Variants in SBF2 observed in about 807,000 individuals in gnomAD.
The protein encoded by SBF2 is SET binding factor 2, also known as myotubularin-related protein 13.
SBF2 carries 112 observed loss-of-function variants against 225.2 expected under a neutral mutation model. That is an observed-to-expected ratio of 0.50 (90% confidence interval 0.43 to 0.58). The LOEUF (loss-of-function observed/expected upper bound fraction) is 0.58. SBF2 is among the 20% of genes least tolerant of loss of function. SBF2 has a pLI of 0.00. For missense variants in SBF2, 1,996 were observed against 2,206.2 expected, an observed-to-expected ratio of 0.90 and a Z score of 1.91; for synonymous variants, 763 against 773.3, an observed-to-expected ratio of 0.99 and a Z score of 0.22.
rs962825057 is a variant in SBF2, at chr11:9,831,231, G to A, written c.3652+993C>T. On this transcript the variant is annotated intron_variant, in intron 27 of 39. Coordinates refer to ENST00000256190, the MANE Select transcript of SBF2 (RefSeq NM_030962.4). Reference sequence around the variant, plus strand: ...CCAGGCTGGTCTTGAACTCCTGGGCGCAAGCAATCCTCCCACCTTGGCCTT... The same window carrying A: ...CCAGGCTGGTCTTGAACTCCTGGGCACAAGCAATCCTCCCACCTTGGCCTT... 4.6e-5 allele frequency among the ~76,000 whole-genome samples: 7 copies of A among 152,200 alleles called. No homozygotes were observed. The East Asian group carries it at 5.8e-4, about 13-fold the overall frequency.
intron 17 of SBF2, among the ~76,000 whole-genome samples, chr11:9,889,767 A>C (rs1459585879): frequency 6.6e-6 from 1 of 152,230 alleles, no homozygotes; most frequent in Non-Finnish European, 1.5e-5. Context: ...GATTCCCTTT[A>C]AATAAAATGT....
chr11:9,787,803 C>T, intron 35 of SBF2, 65 bp from the exon 36 acceptor site: 1 of 1,365,448 alleles, frequency 7.3e-7, no homozygotes, highest in Non-Finnish European at 1.0e-6. Context: ...CCCAAAGCCA[C>T]ACTGCTTCTG....
chr11:9,920,204 G>GTGTGTA (rs544312611), intron 16 of SBF2, among the ~76,000 whole-genome samples: 5 of 115,228 alleles, frequency 4.3e-5, no homozygotes, highest in Admixed American at 3.5e-4. Flanking sequence ...GTGTGTGTGT[G>GTGTGTA]TATATATATA....
At chr11:9,884,912 A>G (rs1475871002) in intron 17 of SBF2, among the ~76,000 whole-genome samples, 6 of 152,188 alleles carry the variant, frequency 3.9e-5, no homozygotes, top group South Asian at 4.1e-4. Flanking sequence ...CTAAGGCAGT[A>G]AATCCATAAA....
At chr11:10,008,573 A>C (rs1948301605) in intron 6 of SBF2, among the ~76,000 whole-genome samples, 1 of 139,414 alleles carries the variant, frequency 7.2e-6, no homozygotes, top group African/African-American at 2.6e-5. Flanking sequence ...AATTTGCCCT[A>C]GGAATATCTT....
At chr11:10,024,939 T>C (rs1948996095) in intron 6 of SBF2, among the ~76,000 whole-genome samples, 1 of 152,194 alleles carries the variant, frequency 6.6e-6, no homozygotes, top group African/African-American at 2.4e-5. Context: ...TCTATCTGAT[T>C]AATGTCACTC....
At chr11:9,993,729 G>A (rs372055651) in intron 10 of SBF2, among the ~76,000 whole-genome samples, 192 bp downstream of exon 10, 1 of 152,184 alleles carries the variant, frequency 6.6e-6, no homozygotes, top group Non-Finnish European at 1.5e-5. Context: ...CTCTTGCCCA[G>A]TGAACTTCCC....
chr11:10,226,751 C>T (rs1425527522), intron 1 of SBF2, among the ~76,000 whole-genome samples: 2 of 152,204 alleles, frequency 1.3e-5, no homozygotes, highest in Admixed American at 6.5e-5. Context: ...TGGCTTGGTT[C>T]CAAGTCTTTG....
chr11:10,121,236 T>G (rs978421561), intron 2 of SBF2, among the ~76,000 whole-genome samples: 2 of 152,170 alleles, frequency 1.3e-5, no homozygotes, highest in Admixed American at 1.3e-4. Flanking sequence ...AATGCATAGA[T>G]AGGTAATGGT....
intron 13 of SBF2, among the ~76,000 whole-genome samples, chr11:9,986,459 CA>C (rs966881912): frequency 6.7e-6 from 1 of 149,732 alleles, no homozygotes; most frequent in African/African-American, 2.5e-5. Flanking sequence ...GAAATTGAAA[CA>C]AAAAAAAATT....
intron 36 of SBF2, among the ~76,000 whole-genome samples, chr11:9,786,466 T>C (rs147684352): frequency 6.6e-6 from 1 of 152,194 alleles, no homozygotes; most frequent in South Asian, 2.1e-4. Flanking sequence ...GTCTGTCTGA[T>C]AACAGCTCCT....
At chr11:9,957,235 GTCT>G (rs1866231467) in intron 16 of SBF2, 1 of 152,100 alleles carries the variant, frequency 6.6e-6, no homozygotes, top group East Asian at 1.9e-4. Flanking sequence ...ACCAGTATTC[GTCT>G]TCTCCAGAGG....
intron 1 of SBF2, among the ~76,000 whole-genome samples, chr11:10,197,180 T>C (rs1467229202): frequency 6.6e-6 from 1 of 152,048 alleles, no homozygotes; most frequent in Non-Finnish European, 1.5e-5. Flanking sequence ...GTGTATCCCT[T>C]ATAAGAAAAG....
chr11:9,946,797 A>G (rs1454686124), intron 16 of SBF2, among the ~76,000 whole-genome samples: 1 of 152,202 alleles, frequency 6.6e-6, no homozygotes, highest in African/African-American at 2.4e-5. Flanking sequence ...AACACTTAAT[A>G]CAATTTGATA....
Position 9,829,309 on chromosome 11 carries a change from A to G in SBF2, c.3793+47T>C, listed in dbSNP as rs775412134. On this transcript the variant is annotated intron_variant, in intron 28 of 39. Coordinates refer to ENST00000256190, the MANE Select transcript of SBF2 (RefSeq NM_030962.4). ...ACAAATAACCCTAGGAACAGAACTG[A>G]CCTTTCATTAGAAGCTGTCAAGAAG... is the stretch of plus-strand genomic sequence containing the variant. The G allele has an allele frequency of 5.6e-6, 9 of 1,593,130 alleles. No homozygotes were observed. In the East Asian group the frequency reaches 6.7e-5, roughly 12 times the overall value.
Position 10,133,423 on chromosome 11 carries a change from C to G in SBF2, c.141+60479G>C, listed in dbSNP as rs113558799. On this transcript the variant is annotated intron_variant, in intron 2 of 39. Coordinates refer to ENST00000256190, the MANE Select transcript of SBF2 (RefSeq NM_030962.4). ...GAGTGGGTGGGAGGCTTAGGCATGG[C>G]GGGCTGCAGGTCCCGAGCCCTGCCC... is the stretch of plus-strand genomic sequence containing the variant. Among the ~76,000 whole-genome samples, 8 of 147,652 alleles carry G rather than the reference C, an allele frequency of 5.4e-5. 1 individual carries two copies. Among genetic ancestry groups the G allele is most frequent in the Non-Finnish European group, 1.1e-4 (7 of 66,598 alleles).
intron 2 of SBF2, among the ~76,000 whole-genome samples, chr11:10,082,330 A>C (rs1454637493): frequency 1.3e-5 from 2 of 152,192 alleles, no homozygotes; most frequent in Non-Finnish European, 2.9e-5. Flanking sequence ...TCCTACTAAA[A>C]CTGTTCAAAA....
intron 17 of SBF2, among the ~76,000 whole-genome samples, chr11:9,883,020 G>T (rs987615030): frequency 3.3e-5 from 5 of 152,028 alleles, no homozygotes; most frequent in Admixed American, 1.3e-4. Flanking sequence ...TGTAATTCCA[G>T]CTACTAGGGA....
intron 1 of SBF2, among the ~76,000 whole-genome samples, chr11:10,233,814 A>T (rs926196702): frequency 1.3e-5 from 2 of 152,168 alleles, no homozygotes; most frequent in African/African-American, 4.8e-5. Flanking sequence ...CTGTAATACT[A>T]AGGCCTGGTC....
Sources: allele counts gnomAD v4.1 joint callset (sites outside exome capture counted in the v4.1 genomes callset), GRCh38; gene constraint gnomAD v4.1.1; transcripts MANE v1.5; gene names NCBI Gene and HGNC (gene_info 2026-07-23, HGNC 2026-07-21).